The following METTL15 variants were observed in gnomAD, a reference collection of about 807,000 sequenced individuals.
METTL15 encodes the protein methyltransferase 15, mitochondrial 12S rRNA N4-cytidine, also known as 12S rRNA N(4)-cytidine methyltransferase METTL15.
METTL15 carries 34 observed loss-of-function variants against 38.3 expected under a neutral mutation model. That is an observed-to-expected ratio of 0.89 (90% CI 0.68 to 1.18). The LOEUF (loss-of-function observed/expected upper bound fraction) is 1.18, where lower values mean the gene tolerates loss of function less well. Ranked by LOEUF, METTL15 falls within the 50% of genes most tolerant of loss-of-function variation. METTL15 has a pLI of 0.00. For synonymous variants in METTL15, 162 were observed against 170.9 expected, an observed-to-expected ratio of 0.95 and a Z score of 0.41; for missense variants, 438 against 498.4, an observed-to-expected ratio of 0.88 and a Z score of 1.15.
intron 6 of METTL15, among the ~76,000 whole-genome samples, chr11:28,297,226 G>A (rs1856773648): frequency 6.6e-6 from 1 of 151,926 alleles, no homozygotes; most frequent in African/African-American, 2.4e-5. Context: ...TTTTACACAG[G>A]ATAATTTATC....
intron 5 of METTL15, among the ~76,000 whole-genome samples, chr11:28,374,445 C>T (rs2133378197): frequency 6.7e-6 from 1 of 150,164 alleles, no homozygotes; most frequent in Non-Finnish European, 1.5e-5. Context: ...TGGGAGTTCA[C>T]TCATGATTTC....
chr11:28,408,985 T>C lies in METTL15; in HGVS notation c.*359-15314T>C, dbSNP rs142750359. On this transcript the variant is annotated intron_variant and NMD_transcript_variant, in intron 5 of 7. Coordinates refer to the METTL15 transcript ENST00000532947. ...AAATGGGCCTAACAAACATATAGAA[T>C]TTTTCATCCAACAGCAGCAGAATAT... 2.9e-3 allele frequency among the ~76,000 whole-genome samples: 447 copies of C among 152,268 alleles called. 4 individuals are homozygous for C. The highest frequency in any genetic ancestry group is 0.01 in the African/African-American group (432 of 41,542).
chr11:28,134,554 G>C (rs1343247758), intron 3 of METTL15: 2 of 398,368 alleles, frequency 5.0e-6, no homozygotes, highest in Non-Finnish European at 8.8e-6. Context: ...AGCAACTGCT[G>C]TTGCGAAAAA....
chr11:28,221,252 G>A (rs1853202903), intron 4 of METTL15, among the ~76,000 whole-genome samples: 1 of 152,128 alleles, frequency 6.6e-6, no homozygotes, highest in Non-Finnish European at 1.5e-5. Context: ...TGGAGGCTTT[G>A]TTCATTTCTT....
chr11:28,496,090 T>G (rs189879605), intron 6 of METTL15, among the ~76,000 whole-genome samples: 1 of 152,280 alleles, frequency 6.6e-6, no homozygotes, highest in African/African-American at 2.4e-5. Context: ...GATTAATGAG[T>G]GTATTAATCT....
chr11:28,255,877 A>G (rs1854952313), intron 4 of METTL15, among the ~76,000 whole-genome samples: 1 of 151,904 alleles, frequency 6.6e-6, no homozygotes, highest in Non-Finnish European at 1.5e-5. Context: ...ATAATTTTGT[A>G]TTTTTGGTAG....
intron 6 of METTL15, among the ~76,000 whole-genome samples, chr11:28,299,237 T>C (rs1336246120): frequency 6.6e-6 from 1 of 152,054 alleles, no homozygotes; most frequent in Non-Finnish European, 1.5e-5. Context: ...TAAGTTCTGG[T>C]TATAGTTTTA....
At chr11:28,222,438 A>G (rs753896218) in intron 4 of METTL15, among the ~76,000 whole-genome samples, 1 of 152,212 alleles carries the variant, frequency 6.6e-6, no homozygotes, top group African/African-American at 2.4e-5. Context: ...CCGATTTTCC[A>G]GGTGCCGTCT....
At chr11:28,196,148 A>T (rs1851901163) in intron 3 of METTL15, among the ~76,000 whole-genome samples, 1 of 151,804 alleles carries the variant, frequency 6.6e-6, no homozygotes, top group African/African-American at 2.4e-5. Context: ...GCCTCTAGAT[A>T]TGTTCTTTTT....
intron 3 of METTL15, among the ~76,000 whole-genome samples, chr11:28,154,220 A>G (rs947409295): frequency 3.9e-5 from 6 of 152,090 alleles, no homozygotes; most frequent in East Asian, 1.9e-4. Flanking sequence ...GGACAAATCT[A>G]TGTTCTTTCT....
At position 28,213,754 on chromosome 11, in the gene METTL15, C is replaced by T. The variant is rs866099058; in HGVS notation, c.407+2556C>T. 2.3e-4 allele frequency among the ~76,000 whole-genome samples: 35 copies of T among 150,664 alleles called. 1 individual carries two copies. The highest frequency in any genetic ancestry group is 5.1e-4 in the African/African-American group (21 of 40,994). On this transcript the variant is annotated intron_variant, in intron 4 of 6. Transcript: ENST00000407364. ...CACTGCAAGGTCCGCCTCCCGGGTTCACACTATTCTCCTGCCTCAGCCTCC... is the reference window on the plus strand; with the variant it reads ...CACTGCAAGGTCCGCCTCCCGGGTTTACACTATTCTCCTGCCTCAGCCTCC...
intron 3 of METTL15, chr11:28,197,691 T>A (rs1305234321): frequency 3.8e-6 from 1 of 265,184 alleles, no homozygotes; most frequent in Admixed American, 4.3e-5. Flanking sequence ...TATGCACATA[T>A]GTGCATATAT....
chr11:28,344,583 G>C (rs1044072452), intron 3 of METTL15, among the ~76,000 whole-genome samples: 19 of 152,150 alleles, frequency 1.2e-4, no homozygotes, highest in African/African-American at 4.3e-4. Flanking sequence ...GGTAAAGGCT[G>C]AGATTTCTGC....
intron 6 of METTL15, among the ~76,000 whole-genome samples, chr11:28,476,984 GA>G (rs1851352325): frequency 6.6e-6 from 1 of 152,080 alleles, no homozygotes; most frequent in Non-Finnish European, 1.5e-5. Context: ...GAATGGGGTT[GA>G]AAAAGAAGTC....
intron 3 of METTL15, among the ~76,000 whole-genome samples, chr11:28,161,890 T>A (rs1850479737): frequency 1.3e-5 from 2 of 152,046 alleles, no homozygotes; most frequent in Non-Finnish European, 2.9e-5. Flanking sequence ...TCAACAAGAT[T>A]TAGTTTTGAG....
intron 4 of METTL15, among the ~76,000 whole-genome samples, chr11:28,238,277 C>T (rs962390346): frequency 5.3e-5 from 8 of 152,218 alleles, no homozygotes; most frequent in Non-Finnish European, 1.2e-4. Flanking sequence ...AGCTTCCCGG[C>T]TGCTTTGTTT....
chr11:28,161,093 A>G (rs1850440882), intron 3 of METTL15, among the ~76,000 whole-genome samples: 2 of 144,586 alleles, frequency 1.4e-5, no homozygotes, highest in Non-Finnish European at 1.5e-5. Context: ...ATATAGTCAG[A>G]TGTTTGCACC....
intron 4 of METTL15, among the ~76,000 whole-genome samples, chr11:28,253,622 A>G (rs1291720241): frequency 3.0e-5 from 1 of 33,418 alleles, no homozygotes; most frequent in Admixed American, 3.6e-4. Flanking sequence ...CCCATCTCCT[A>G]CCCTCCCTCC....
chr11:28,502,611 A>G (rs1331448966), intron 6 of METTL15, among the ~76,000 whole-genome samples: 1 of 152,242 alleles, frequency 6.6e-6, no homozygotes, highest in African/African-American at 2.4e-5. Flanking sequence ...TTTTCTTTGC[A>G]TATTTTTATA....
Sources: gnomAD v4.1 joint callset for allele counts (sites outside exome capture counted in the v4.1 genomes callset) on GRCh38, gnomAD v4.1.1 for gene constraint, MANE v1.5 for transcripts, NCBI Gene and HGNC (gene_info 2026-07-23, HGNC 2026-07-21) for gene names.